The following MAF variants were observed in gnomAD, a reference collection of about 807,000 sequenced individuals.
MAF encodes transcription factor Maf.
In MAF, 10 loss-of-function variants were observed where a neutral mutation model predicts 22.0. The observed-to-expected ratio is 0.45, with a 90% confidence interval of 0.28 to 0.77. The LOEUF is 0.77. Among genes scored for constraint, MAF ranks in the 30% least tolerant of loss-of-function variants. MAF has a pLI of 0.12. For synonymous variants in MAF, 337 were observed against 255.8 expected (o/e 1.32, Z -3.03); for missense variants, 544 against 548.4 (o/e 0.99, Z 0.08).
chr16:79,365,184 T>C, the MAF span, among the ~76,000 whole-genome samples: 26 of 152,364 alleles, frequency 1.7e-4, no homozygotes, highest in Middle Eastern at 6.8e-3. Flanking sequence ...TGAATTATTT[T>C]AGAACCCTGA....
At chr16:79,515,347 T>C in the MAF span, among the ~76,000 whole-genome samples, 5 of 152,204 alleles carry the variant, frequency 3.3e-5, no homozygotes, top group Non-Finnish European at 5.9e-5. Flanking sequence ...TACTACGGTG[T>C]GAAAGTGACA....
At chr16:79,454,706 CCT>C in the MAF span, among the ~76,000 whole-genome samples, 1 of 152,126 alleles carries the variant, frequency 6.6e-6, no homozygotes, top group African/African-American at 2.4e-5. Flanking sequence ...GTAAGCTGAT[CCT>C]CTGAGTTTGG....
the MAF span, chr16:79,264,417 T>C: frequency 6.6e-6 from 1 of 152,224 alleles, no homozygotes; most frequent in Non-Finnish European, 1.5e-5. Flanking sequence ...TTAGGTTAAA[T>C]AACTTGCTCA....
At chr16:79,458,811 T>C in the MAF span, among the ~76,000 whole-genome samples, 1 of 152,186 alleles carries the variant, frequency 6.6e-6, no homozygotes, top group Non-Finnish European at 1.5e-5. Flanking sequence ...TGTCACCCTT[T>C]CCTTTCTTGG....
chr16:79,477,405 G>A, the MAF span, among the ~76,000 whole-genome samples: 1 of 152,104 alleles, frequency 6.6e-6, no homozygotes, highest in Non-Finnish European at 1.5e-5. Flanking sequence ...GAATAAAGAA[G>A]GCCAGCCTCC....
At chr16:79,335,899 C>G in the MAF span, among the ~76,000 whole-genome samples, 8 of 152,126 alleles carry the variant, frequency 5.3e-5, no homozygotes, top group Non-Finnish European at 1.0e-4. Flanking sequence ...CAGGGAAGAG[C>G]CAGAGTTTGA....
chr16:79,421,100 TA>T, the MAF span, among the ~76,000 whole-genome samples: 1 of 152,164 alleles, frequency 6.6e-6, no homozygotes, highest in African/African-American at 2.4e-5. Context: ...TGTTCTATTT[TA>T]TTATTAGCCG....
intron 1 of MAF, chr16:79,598,446 G>A (rs1234003289): frequency 4.9e-6 from 6 of 1,219,726 alleles, no homozygotes; most frequent in South Asian, 3.4e-5. Context: ...GGGGTGGGGC[G>A]GGGGGGTGTA....
chr16:79,460,977 C>A, the MAF span, among the ~76,000 whole-genome samples: 1 of 152,158 alleles, frequency 6.6e-6, no homozygotes, highest in African/African-American at 2.4e-5. Flanking sequence ...GTCTCCCTGG[C>A]TGCCTTCTAC....
the MAF span, among the ~76,000 whole-genome samples, chr16:79,429,989 G>A: frequency 2.6e-5 from 4 of 152,136 alleles, no homozygotes; most frequent in African/African-American, 9.7e-5. Flanking sequence ...AGATCCTACC[G>A]ACATCTTCTA....
the MAF span, among the ~76,000 whole-genome samples, chr16:79,363,928 G>A: frequency 6.6e-6 from 1 of 152,186 alleles, no homozygotes; most frequent in African/African-American, 2.4e-5. Flanking sequence ...TGGAGGGACG[G>A]TGGAGATGCT....
the MAF span, among the ~76,000 whole-genome samples, chr16:79,322,135 G>C: frequency 2.0e-5 from 3 of 152,146 alleles, no homozygotes; most frequent in Non-Finnish European, 4.4e-5. Context: ...AGGAGGCTGA[G>C]GTAGGAGAAT....
At chr16:79,237,382 G>C in the MAF span, among the ~76,000 whole-genome samples, 11 of 152,210 alleles carry the variant, frequency 7.2e-5, no homozygotes, top group African/African-American at 2.6e-4. Flanking sequence ...AAGGGTTTTG[G>C]AACAACTTAA....
At chr16:79,429,038 G>C in the MAF span, among the ~76,000 whole-genome samples, 1 of 152,072 alleles carries the variant, frequency 6.6e-6, no homozygotes, top group East Asian at 1.9e-4. Context: ...GCAAGCATGA[G>C]GCTAGGATGT....
chr16:79,235,599 T>G, the MAF span, among the ~76,000 whole-genome samples: 1 of 151,962 alleles, frequency 6.6e-6, no homozygotes, highest in Non-Finnish European at 1.5e-5. Context: ...ATTCTCACTA[T>G]GGGTCTTGAT....
chr16:79,480,847 A>C, the MAF span, among the ~76,000 whole-genome samples: 11 of 152,160 alleles, frequency 7.2e-5, no homozygotes, highest in African/African-American at 2.7e-4. Context: ...ACATTTCCCA[A>C]CATCTGTTTG....
the MAF span, among the ~76,000 whole-genome samples, chr16:79,293,871 A>G: frequency 1.1e-4 from 16 of 144,392 alleles, no homozygotes; most frequent in East Asian, 2.0e-4. Context: ...GAGAGAGAGA[A>G]AGAGAGGAGA....
the MAF span, among the ~76,000 whole-genome samples, chr16:79,562,652 C>T: frequency 6.6e-6 from 1 of 152,168 alleles, no homozygotes. Flanking sequence ...GGACTCCAGG[C>T]TGAAGTGCCA....
chr16:79,257,365 C>T, the MAF span, among the ~76,000 whole-genome samples: 1 of 152,036 alleles, frequency 6.6e-6, no homozygotes, highest in Non-Finnish European at 1.5e-5. Context: ...TCCTTATAAC[C>T]CTAAAATTGT....
Sources: gnomAD v4.1 joint callset for allele counts (sites outside exome capture counted in the v4.1 genomes callset) on GRCh38, gnomAD v4.1.1 for gene constraint, MANE v1.5 for transcripts, NCBI Gene and HGNC (gene_info 2026-07-23, HGNC 2026-07-21) for gene names.